LTF: variants seen among roughly 807,000 people sequenced by gnomAD.
The protein encoded by LTF is epididymis luminal protein 110.
Under a neutral mutation model 87.2 loss-of-function variants are expected in LTF, and 91 were observed. The observed-to-expected ratio is 1.04, with a 90% CI of 0.88 to 1.24. LTF has a LOEUF of 1.24. LTF is among the 50% of genes most tolerant of loss of function. LTF has a pLI of 0.00. For missense variants in LTF, 901 were observed against 904.3 expected (o/e 1.00, Z 0.05); for synonymous variants, 378 against 356.1 (o/e 1.06, Z -0.69).
chr3:46,446,619 A>G, intron 10 of LTF, 126 bp from the exon 11 acceptor site: 2 of 721,594 alleles, frequency 2.8e-6, no homozygotes, highest in Non-Finnish European at 4.7e-6. Flanking sequence ...CATGCAGGAG[A>G]AATGCGTCTA....
At chr3:46,449,444 T>C (rs1702742301) in intron 8 of LTF, among the ~76,000 whole-genome samples, 1 of 151,618 alleles carries the variant, frequency 6.6e-6, no homozygotes, top group Non-Finnish European at 1.5e-5. Context: ...TCCCCCAGAC[T>C]CCCACCCCCA....
intron 2 of LTF, among the ~76,000 whole-genome samples, chr3:46,458,815 T>C (rs988164651): frequency 1.3e-5 from 2 of 152,200 alleles, no homozygotes; most frequent in Admixed American, 6.5e-5. Flanking sequence ...CCTCAGGTGA[T>C]CCTCCCACCT....
At chr3:46,475,985 C>T (rs182810644) in intron 1 of LTF, among the ~76,000 whole-genome samples, 5 of 152,332 alleles carry the variant, frequency 3.3e-5, no homozygotes, top group Admixed American at 2.0e-4. Context: ...ATTCAACATT[C>T]TGCTTGTGAG....
chr3:46,459,750 C>A lies in LTF; in HGVS notation c.113G>T (p.Cys38Phe), dbSNP rs760202867. ...TCTCATATTCCTTTGCCATTGGAAG[C>A]ATTTTGTGGCCTCGGGTTGGGATAC... ...CAVSQPEATK[C>F]FQWQRNMRKV... The change falls in exon 2 of 17, where the codon TGC becomes TTC. Residue 38 changes from cysteine to phenylalanine, a missense_variant. Cys to Phe is a radical substitution (Grantham distance 205, BLOSUM62 -2). Transcript: ENST00000231751. The A allele has an allele frequency of 6.3e-7, 1 of 1,581,494 alleles. No homozygotes were observed.
In LTF at chr3:46,436,151, A is replaced by C. The variant is rs745555612; in HGVS notation, c.*44T>G. The C allele has an allele frequency of 6.2e-7, 1 of 1,608,864 alleles. No individual in the cohort carries two copies. Among genetic ancestry groups the C allele is most frequent in the South Asian group, 1.1e-5 (1 of 90,948 alleles). On this transcript the variant is annotated 3_prime_UTR_variant, in exon 17 of 17. Transcript: ENST00000231751. The stretch of plus-strand genomic sequence containing the variant: ...CTGGGGAGAAGAGCTGGGGGCAGTG[A>C]ATGGCTGAGGCTTTCTTGGGGAGCT...
intron 1 of LTF, among the ~76,000 whole-genome samples, chr3:46,460,975 A>AGG (rs1703066692): frequency 6.6e-6 from 1 of 152,252 alleles, no homozygotes; most frequent in Non-Finnish European, 1.5e-5. Context: ...AACATCAAAA[A>AGG]GGATTTAGTA....
At position 46,449,852 on chromosome 3, in the gene LTF, A is replaced by T; in HGVS notation, c.1057+2T>A. 1.9e-6 allele frequency: 3 copies of T among 1,613,974 alleles called. No individual in the cohort carries two copies. The highest frequency in any genetic ancestry group is 2.5e-6 in the Non-Finnish European group (3 of 1,179,932). On this transcript the variant is annotated splice_donor_variant, in intron 8 of 16. Transcript: ENST00000231751. LOFTEE classifies it high-confidence loss of function. ...CCTCAGGACCCTCCTGGGCTCACTCACTTTTCCTCAAGTTCTGGATGGCAG... is the reference window on the plus strand; with the variant it reads ...CCTCAGGACCCTCCTGGGCTCACTCTCTTTTCCTCAAGTTCTGGATGGCAG...
At chr3:46,459,374 A>G (rs535961355) in intron 2 of LTF, among the ~76,000 whole-genome samples, 6 of 152,360 alleles carry the variant, frequency 3.9e-5, no homozygotes, top group African/African-American at 9.6e-5. Context: ...TTCATCAAAT[A>G]CAACTGATTA....
chr3:46,439,501 G>A (rs772658592), intron 14 of LTF, 21 bp from the exon 15 acceptor site: 1 of 1,585,830 alleles, frequency 6.3e-7, no homozygotes, highest in South Asian at 1.2e-5. Flanking sequence ...AAAGAAGGTG[G>A]CATCATCCAC....
At chr3:46,461,053 G>A (rs1362897205) in intron 1 of LTF, among the ~76,000 whole-genome samples, 2 of 152,176 alleles carry the variant, frequency 1.3e-5, no homozygotes, top group East Asian at 1.9e-4. Flanking sequence ...ATAAGCACAT[G>A]AAAAGTGCTC....
upstream of LTF, among the ~76,000 whole-genome samples, chr3:46,465,352 G>A (rs1271209173): frequency 1.3e-5 from 2 of 152,340 alleles, no homozygotes; most frequent in African/African-American, 4.8e-5. Context: ...TCAGCAGTGA[G>A]CTGAGAGTTG....
At chr3:46,477,388 C>T (rs1703373919) in intron 1 of LTF, among the ~76,000 whole-genome samples, 1 of 152,220 alleles carries the variant, frequency 6.6e-6, no homozygotes, top group African/African-American at 2.4e-5. Context: ...CCCAAGGCCA[C>T]ACCTGCATTC....
intron 11 of LTF, 152 bp downstream of exon 11, chr3:46,446,288 G>T: frequency 1.9e-6 from 1 of 533,930 alleles, no homozygotes; most frequent in Non-Finnish European, 3.3e-6. Flanking sequence ...CTATTCCTCT[G>T]TGAATTATTT....
At chr3:46,468,509 GC>G (rs1450906715), upstream of LTF, among the ~76,000 whole-genome samples, 7 of 152,268 alleles carry the variant, frequency 4.6e-5, no homozygotes, top group Middle Eastern at 3.4e-3. Flanking sequence ...CCTCCAGGGA[GC>G]CTTTACAGAA....
chr3:46,478,128 C>T (rs908677225), intron 1 of LTF, among the ~76,000 whole-genome samples: 1 of 152,182 alleles, frequency 6.6e-6, no homozygotes, highest in African/African-American at 2.4e-5. Context: ...TTTCACTCCT[C>T]TCTCTTTTAT....
chr3:46,478,138 T>C (rs1291190491), intron 1 of LTF, among the ~76,000 whole-genome samples: 1 of 152,186 alleles, frequency 6.6e-6, no homozygotes, highest in East Asian at 1.9e-4. Context: ...CTCTCTTTTA[T>C]GACGTCCACT....
At position 46,447,292 on chromosome 3, in the gene LTF, T is replaced by C. The variant is rs1369195817; in HGVS notation, c.1303+16A>G. 3.1e-6 allele frequency: 5 copies of C among 1,606,660 alleles called. No homozygotes were observed. The highest frequency in any genetic ancestry group is 1.1e-5 in the South Asian group (1 of 90,934). On this transcript the variant is annotated intron_variant, in intron 10 of 16. Coordinates refer to ENST00000231751, the MANE Select transcript of LTF (RefSeq NM_002343.6). The stretch of plus-strand genomic sequence containing the variant: ...GACCCAGAGGGAATATACCAGAGGA[T>C]GCTAACTCCACTTACTGTAGTTCTC...
chr3:46,482,621 A>AAAGAAAGAAAG (rs766477296), intron 1 of LTF, among the ~76,000 whole-genome samples: 581 of 51,646 alleles, frequency 0.011, 7 homozygotes, highest in South Asian at 0.018. Flanking sequence ...AGAAAGAAAG[A>AAAGAAAGAAAG]AAGAAAGAAA....
intron 1 of LTF, among the ~76,000 whole-genome samples, chr3:46,471,443 T>C (rs1022957980): frequency 1.3e-4 from 20 of 152,352 alleles, no homozygotes; most frequent in Middle Eastern, 3.4e-3. Context: ...TTGTAACTAC[T>C]GACACCTGTC....
Sources: allele counts gnomAD v4.1 joint callset (sites outside exome capture counted in the v4.1 genomes callset), GRCh38; gene constraint gnomAD v4.1.1; transcripts MANE v1.5; gene names NCBI Gene and HGNC (gene_info 2026-07-23, HGNC 2026-07-21).